LARS2: variants seen among roughly 807,000 people sequenced by gnomAD.
LARS2 encodes the protein leucyl-tRNA synthetase 2, mitochondrial.
A neutral mutation model predicts 116.6 loss-of-function variants in LARS2; 81 were observed. The ratio of observed to expected loss-of-function variants is 0.69; its 90% CI spans 0.58 to 0.84. LARS2 has a LOEUF of 0.84. Ranked by LOEUF, LARS2 falls within the 40% of genes least tolerant of loss-of-function variation. The pLI, the probability that LARS2 is intolerant of heterozygous loss-of-function variation, is 0.00. For missense variants in LARS2, 968 were observed against 1,114.5 expected (o/e 0.87, Z 1.87); for synonymous variants, 396 against 407.2 (o/e 0.97, Z 0.33).
At chr3:45,487,337 T>C (rs965354179) in intron 11 of LARS2, among the ~76,000 whole-genome samples, 3 of 152,254 alleles carry the variant, frequency 2.0e-5, no homozygotes, top group Admixed American at 6.5e-5. Flanking sequence ...AGATGCATTT[T>C]GTCTATAATC....
At position 45,547,296 on chromosome 3, in the gene LARS2, G is replaced by T; in HGVS notation, c.2533-55G>T. 3 of 1,501,702 alleles carry T rather than the reference G, an allele frequency of 2.0e-6. No individual in the cohort carries two copies. In the South Asian group the frequency reaches 3.8e-5, roughly 19 times the overall value. The allele number at this position is 1,501,702 out of a possible 1,614,324, so 93.0% of individuals were successfully genotyped here. A position where few individuals can be genotyped will look rare whatever the true frequency, so the allele number is the denominator to read the frequency against. On this transcript the variant is annotated intron_variant, in intron 21 of 21. Transcript: ENST00000645846. ...CAGGCAGGAGGTTTGGTATTGGGCC[G>T]CCTGCCACTCTGAGGATGTTCCTCA...
intron 4 of LARS2, among the ~76,000 whole-genome samples, chr3:45,411,260 A>G (rs1295691587): frequency 6.6e-6 from 1 of 152,218 alleles, no homozygotes. Context: ...TTCAGCACAC[A>G]TTCAATGACA....
At chr3:45,422,576 C>G (rs1698532185) in intron 6 of LARS2, among the ~76,000 whole-genome samples, 1 of 152,152 alleles carries the variant, frequency 6.6e-6, no homozygotes, top group African/African-American at 2.4e-5. Flanking sequence ...AATCCCTTCT[C>G]TTTGTTGATT....
chr3:45,489,228 G>A (rs766998863), intron 12 of LARS2, among the ~76,000 whole-genome samples: 22 of 152,164 alleles, frequency 1.4e-4, no homozygotes, highest in Admixed American at 6.5e-5. Context: ...ATGTTTATTT[G>A]GTCAGGGTTA....
At chr3:45,523,530 G>A (rs533961547) in intron 19 of LARS2, among the ~76,000 whole-genome samples, 1 of 150,690 alleles carries the variant, frequency 6.6e-6, no homozygotes, top group South Asian at 2.1e-4. Flanking sequence ...TGCTGCTGGA[G>A]CTTTTTTTTT....
chr3:45,493,446 T>C (rs1177899618), intron 13 of LARS2, among the ~76,000 whole-genome samples: 2 of 152,152 alleles, frequency 1.3e-5, no homozygotes, highest in African/African-American at 4.8e-5. Context: ...ACTGAGCCAG[T>C]GTGGCCGAGC....
chr3:45,452,166 G>A (rs1699140185), intron 7 of LARS2, among the ~76,000 whole-genome samples: 1 of 152,094 alleles, frequency 6.6e-6, no homozygotes, highest in South Asian at 2.1e-4. Flanking sequence ...TTCCATTTTA[G>A]TTGCCAGTTA....
intron 4 of LARS2, among the ~76,000 whole-genome samples, chr3:45,408,475 CCTTG>C (rs1323290576): frequency 6.6e-6 from 1 of 152,238 alleles, no homozygotes; most frequent in African/African-American, 2.4e-5. Flanking sequence ...TAGATCCATC[CCTTG>C]CTTTTTGTAC....
Position 45,513,127 on chromosome 3 carries a change from T to C in LARS2, c.1761-8T>C. 2 of 1,596,086 alleles carry C rather than the reference T, an allele frequency of 1.3e-6. No homozygotes were observed. The highest frequency in any genetic ancestry group is 1.7e-6 in the Non-Finnish European group (2 of 1,163,532). ...CTCCTGTTTTCTTTTCCTGTCATCTTTCCTCAGGGAGCCTTTTCATAAGCT... is the reference window on the plus strand; with the variant it reads ...CTCCTGTTTTCTTTTCCTGTCATCTCTCCTCAGGGAGCCTTTTCATAAGCT... On this transcript the variant is annotated splice_region_variant and splice_polypyrimidine_tract_variant and intron_variant, in intron 15 of 21. Coordinates refer to ENST00000645846, the MANE Select transcript of LARS2 (RefSeq NM_015340.4).
intron 15 of LARS2, chr3:45,509,336 A>C (rs1030775142): frequency 3.3e-5 from 5 of 152,148 alleles, no homozygotes; most frequent in African/African-American, 1.2e-4. Flanking sequence ...TGAATGAGTG[A>C]ACAAAAGGGA....
At chr3:45,528,599 C>T (rs906445478) in intron 20 of LARS2, among the ~76,000 whole-genome samples, 2 of 152,198 alleles carry the variant, frequency 1.3e-5, no homozygotes, top group Admixed American at 1.3e-4. Flanking sequence ...ACACCCACTC[C>T]AACCCCCAGC....
rs1700498295 is a variant in LARS2, at chr3:45,524,060, G to C, written c.2356G>C (p.Val786Leu). The C allele has an allele frequency of 1.2e-6, 2 of 1,613,974 alleles. No individual in the cohort carries two copies. Among genetic ancestry groups the C allele is most frequent in the East Asian group, 2.2e-5 (1 of 44,864 alleles). The change falls in exon 20 of 22, where the codon GTA (valine) becomes CTA (leucine). Residue 786 changes from valine to leucine, a missense_variant. Transcript: ENST00000645846. ...EFEDALCALM[V>L]MAAPLAPHVT... ...TGAGGATGCTTTGTGTGCCCTGATG[G>C]TAATGGCTGCTCCACTGGCCCCTCA... is the stretch of plus-strand genomic sequence containing the variant.
chr3:45,483,641 C>A (rs1281413916), intron 10 of LARS2, among the ~76,000 whole-genome samples: 1 of 151,756 alleles, frequency 6.6e-6, no homozygotes, highest in African/African-American at 2.4e-5. Flanking sequence ...AGAGTGGGAC[C>A]CTGTCTCAAA....
chr3:45,391,012 G>A (rs555999263), intron 1 of LARS2, among the ~76,000 whole-genome samples: 1 of 152,194 alleles, frequency 6.6e-6, no homozygotes, highest in South Asian at 2.1e-4. Context: ...GAAACCTTTT[G>A]TTTTTGCAGT....
chr3:45,522,510 C>T (rs1423590863), intron 19 of LARS2, among the ~76,000 whole-genome samples: 1 of 152,192 alleles, frequency 6.6e-6, no homozygotes, highest in African/African-American at 2.4e-5. Flanking sequence ...GCAGATAGAT[C>T]GCTTGAGGTC....
intron 6 of LARS2, among the ~76,000 whole-genome samples, chr3:45,443,136 T>C (rs1271720796): frequency 6.6e-6 from 1 of 152,138 alleles, no homozygotes. Flanking sequence ...ACTCTTCCTT[T>C]AGAGAAGGGA....
At chr3:45,431,635 T>C (rs1191994800) in intron 6 of LARS2, among the ~76,000 whole-genome samples, 1 of 147,416 alleles carries the variant, frequency 6.8e-6, no homozygotes, top group African/African-American at 2.5e-5. Context: ...ATAATCCCCA[T>C]GGTAACCACA....
chr3:45,532,558 T>G (rs1700631560), intron 20 of LARS2, among the ~76,000 whole-genome samples: 1 of 152,236 alleles, frequency 6.6e-6, no homozygotes, highest in South Asian at 2.1e-4. Flanking sequence ...GTTATTTTAC[T>G]AAGACTAGCT....
Position 45,541,848 on chromosome 3 carries a change from G to C in LARS2, c.2424G>C (p.Arg808Ser). ...TTGCAGGCCTGGCGCTGGTGCCGAG[G>C]AAGCTCTGTGCCCACTACACTTGGG... ...EIWAGLALVP[R>S]KLCAHYTWDA... Residue 808 changes from arginine to serine, a missense_variant, in exon 21 of 22, where the codon AGG (arginine) becomes AGC (serine). Coordinates refer to ENST00000645846, the MANE Select transcript of LARS2 (RefSeq NM_015340.4). 6.2e-7 allele frequency: 1 copy of C among 1,614,184 alleles called. No individual in the cohort carries two copies. Among genetic ancestry groups the C allele is most frequent in the Non-Finnish European group, 8.5e-7 (1 of 1,180,020 alleles).
Sources: allele counts gnomAD v4.1 joint callset (sites outside exome capture counted in the v4.1 genomes callset), GRCh38; gene constraint gnomAD v4.1.1; transcripts MANE v1.5; gene names NCBI Gene and HGNC (gene_info 2026-07-23, HGNC 2026-07-21).